Variants in LRGUK observed in about 807,000 individuals in gnomAD.
The protein encoded by LRGUK is leucine-rich repeat and guanylate kinase domain-containing protein.
LRGUK carries 65 observed loss-of-function variants against 76.0 expected under a neutral mutation model. That is an observed-to-expected ratio of 0.85 (90% CI 0.70 to 1.05). LRGUK has a LOEUF of 1.05. LRGUK is among the 50% of genes least tolerant of loss of function. LRGUK has a pLI of 0.00. For synonymous variants in LRGUK, 268 were observed against 265.6 expected, an observed-to-expected ratio of 1.01 and a Z score of -0.09; for missense variants, 758 against 732.8, an observed-to-expected ratio of 1.03 and a Z score of -0.40.
chr7:134,167,993 C>T (rs557792303), intron 7 of LRGUK, among the ~76,000 whole-genome samples: 2 of 152,320 alleles, frequency 1.3e-5, no homozygotes, highest in South Asian at 4.1e-4. Context: ...AGAATGTTAA[C>T]TTCATGAGCT....
At chr7:134,128,689 A>G (rs113162853) in intron 1 of LRGUK, among the ~76,000 whole-genome samples, 3,173 of 152,298 alleles carry the variant, frequency 0.021, 100 homozygotes, top group African/African-American at 0.067. Flanking sequence ...AGCTGGGACT[A>G]CAGGTGTGTG....
intron 15 of LRGUK, among the ~76,000 whole-genome samples, chr7:134,217,940 A>T (rs1326922249): frequency 6.6e-6 from 1 of 151,900 alleles, no homozygotes; most frequent in Non-Finnish European, 1.5e-5. Flanking sequence ...AAAAACCCTC[A>T]CTATATGGTT....
At chr7:134,199,403 G>C (rs1419342155) in exon 14 of LRGUK, 1 of 1,613,456 alleles carries the variant, frequency 6.2e-7, no homozygotes, top group Non-Finnish European at 8.5e-7. Flanking sequence ...GGGATATTTT[G>C]ATGAGGTAAT....
At chr7:134,127,809 T>A in intron 1 of LRGUK, 145 bp downstream of exon 1, 1 of 837,248 alleles carries the variant, frequency 1.2e-6, no homozygotes, top group Non-Finnish European at 1.8e-6. Flanking sequence ...CTCTTCCCCC[T>A]CTTTTCTTCC....
chr7:134,178,571 T>C (rs753288994), exon 10 of LRGUK: 12 of 1,613,378 alleles, frequency 7.4e-6, no homozygotes, highest in African/African-American at 1.3e-5. Flanking sequence ...TGACCCATGT[T>C]GTCAACAGCG....
downstream of LRGUK, among the ~76,000 whole-genome samples, chr7:134,212,931 A>G (rs1801329504): frequency 6.6e-6 from 1 of 152,210 alleles, no homozygotes; most frequent in Non-Finnish European, 1.5e-5. Context: ...AGATGTCATA[A>G]GAATACCAAG....
intron 6 of LRGUK, among the ~76,000 whole-genome samples, chr7:134,161,659 A>G (rs1373625099): frequency 1.3e-5 from 2 of 151,816 alleles, no homozygotes; most frequent in African/African-American, 4.8e-5. Flanking sequence ...TACCAGGGAA[A>G]ATATAGAGGG....
chr7:134,174,752 T>C, intron 8 of LRGUK, 116 bp downstream of exon 8: 1 of 698,576 alleles, frequency 1.4e-6, no homozygotes, highest in East Asian at 2.6e-5. Context: ...GGAATGTGAA[T>C]AGAGTTTGTC....
At chr7:134,220,158 T>C (rs1801549751) in intron 15 of LRGUK, among the ~76,000 whole-genome samples, 1 of 152,224 alleles carries the variant, frequency 6.6e-6, no homozygotes, top group Non-Finnish European at 1.5e-5. Context: ...TGTTTCTGCA[T>C]ACAGTTGTCT....
intron 16 of LRGUK, among the ~76,000 whole-genome samples, chr7:134,228,918 G>A (rs993023835): frequency 6.6e-6 from 1 of 152,084 alleles, no homozygotes; most frequent in Non-Finnish European, 1.5e-5. Flanking sequence ...TCAACATGGT[G>A]TCAGAGGTCA....
At chr7:134,184,558 C>T (rs112774396) in intron 11 of LRGUK, among the ~76,000 whole-genome samples, 147 of 152,022 alleles carry the variant, frequency 9.7e-4, no homozygotes, top group Middle Eastern at 3.4e-3. Flanking sequence ...TGTGAGCCAC[C>T]GCGCCTGACC....
Position 134,239,271 on chromosome 7 carries a change from G to A in LRGUK, c.1984-8285G>A, listed in dbSNP as rs144275415. Among the ~76,000 whole-genome samples the A allele has an allele frequency of 1.5e-3, 228 of 152,320 alleles. 1 individual carries two copies. Among genetic ancestry groups the A allele is most frequent in the African/African-American group, 4.8e-3 (199 of 41,566 alleles). On this transcript the variant is annotated intron_variant, in intron 16 of 19. Coordinates refer to the LRGUK transcript ENST00000285928. Reference sequence around the variant, plus strand: ...TGGGGCATCGCCTCACCCGGGAAGCGCAAGGAGTCGGGGAATTCCCTTTCC... The same window carrying A: ...TGGGGCATCGCCTCACCCGGGAAGCACAAGGAGTCGGGGAATTCCCTTTCC...
chr7:134,166,311 A>T (rs2116945464), intron 7 of LRGUK, among the ~76,000 whole-genome samples: 1 of 152,232 alleles, frequency 6.6e-6, no homozygotes, highest in East Asian at 1.9e-4. Flanking sequence ...GCCACTTGAG[A>T]ATGTTTACCA....
At chr7:134,162,033 G>A (rs1408050468) in intron 6 of LRGUK, among the ~76,000 whole-genome samples, 1 of 152,140 alleles carries the variant, frequency 6.6e-6, no homozygotes, top group Admixed American at 6.5e-5. Flanking sequence ...TGAGGAAGAA[G>A]ACAACATTTC....
In LRGUK at chr7:134,183,731, T is replaced by C; in HGVS notation, c.1215-3T>C. On this transcript the variant is annotated splice_region_variant and splice_polypyrimidine_tract_variant and intron_variant, in intron 10 of 15. Coordinates refer to ENST00000645682, the Ensembl canonical transcript of LRGUK. ...GAGAACTGACTCTGGTCCTGTGTTG[T>C]AGCACTCTTCCCAGCCTGGATGCCC... The C allele has an allele frequency of 6.2e-7, 1 of 1,613,930 alleles. No homozygotes were observed. Among genetic ancestry groups the C allele is most frequent in the East Asian group, 2.2e-5 (1 of 44,858 alleles).
intron 10 of LRGUK, among the ~76,000 whole-genome samples, chr7:134,182,483 G>A (rs1044269792): frequency 5.3e-5 from 8 of 152,040 alleles, no homozygotes; most frequent in Non-Finnish European, 2.9e-5. Context: ...GTGGGTCCAT[G>A]GCTCTTGGCG....
intron 11 of LRGUK, among the ~76,000 whole-genome samples, chr7:134,189,843 T>C (rs1800127583): frequency 6.6e-6 from 1 of 152,220 alleles, no homozygotes; most frequent in East Asian, 1.9e-4. Context: ...TCTTAGAATG[T>C]ACTCTCTTTC....
chr7:134,225,234 G>A (rs190830773), intron 16 of LRGUK, among the ~76,000 whole-genome samples: 1 of 151,918 alleles, frequency 6.6e-6, no homozygotes, highest in South Asian at 2.1e-4. Context: ...GAGAGGAGAG[G>A]ATAAAAAGGC....
At chr7:134,193,590 T>G (rs1160214816) in intron 12 of LRGUK, among the ~76,000 whole-genome samples, 1 of 152,218 alleles carries the variant, frequency 6.6e-6, no homozygotes, top group African/African-American at 2.4e-5. Context: ...TTTTTACTGC[T>G]TCTGATAACA....
Sources: gnomAD v4.1 joint callset for allele counts (sites outside exome capture counted in the v4.1 genomes callset) on GRCh38, gnomAD v4.1.1 for gene constraint, MANE v1.5 for transcripts, NCBI Gene and HGNC (gene_info 2026-07-23, HGNC 2026-07-21) for gene names.